Variants in TAF4B observed in about 807,000 individuals in gnomAD.
The protein encoded by TAF4B is transcription initiation factor TFIID subunit 4B.
In TAF4B, 38 loss-of-function variants were observed where a neutral mutation model predicts 86.4. That is an observed-to-expected ratio of 0.44 (90% CI 0.34 to 0.58). TAF4B has a LOEUF of 0.58. Among genes scored for constraint, TAF4B ranks in the 20% least tolerant of loss-of-function variants. TAF4B has a pLI of 0.02. For missense variants in TAF4B, 988 were observed against 1,027.6 expected, an observed-to-expected ratio of 0.96 and a Z score of 0.53; for synonymous variants, 388 against 391.2, an observed-to-expected ratio of 0.99 and a Z score of 0.10.
At chr18:26,255,775 A>G in intron 1 of TAF4B, 3 of 1,542,526 alleles carry the variant, frequency 1.9e-6, no homozygotes, top group Non-Finnish European at 2.7e-6. Context: ...TTATTGCTGC[A>G]GCAAGGCTTG....
At chr18:26,228,016 C>G (rs1223403799) in intron 1 of TAF4B, among the ~76,000 whole-genome samples, 1 of 152,180 alleles carries the variant, frequency 6.6e-6, no homozygotes, top group Non-Finnish European at 1.5e-5. Flanking sequence ...ATCAGTCATG[C>G]AATTGTTACA....
chr18:26,263,906 T>A (rs1238426507), intron 1 of TAF4B, among the ~76,000 whole-genome samples: 1 of 152,200 alleles, frequency 6.6e-6, no homozygotes, highest in Admixed American at 6.5e-5. Flanking sequence ...TCTAAGAGTT[T>A]AAAAATTTTT....
chr18:26,234,270 C>T (rs1178851548), intron 1 of TAF4B, among the ~76,000 whole-genome samples: 1 of 152,190 alleles, frequency 6.6e-6, no homozygotes, highest in East Asian at 1.9e-4. Flanking sequence ...TTTCCTTCTG[C>T]CTTTTCTCCT....
chr18:26,360,943 A>T (rs2057323998), intron 14 of TAF4B, among the ~76,000 whole-genome samples: 1 of 152,090 alleles, frequency 6.6e-6, no homozygotes. Flanking sequence ...ATAAATTTTT[A>T]ATTTTTTTAG....
chr18:26,299,664 G>A (rs2056707695), intron 9 of TAF4B, among the ~76,000 whole-genome samples: 1 of 151,980 alleles, frequency 6.6e-6, no homozygotes, highest in South Asian at 2.1e-4. Flanking sequence ...TGTTTTCTTT[G>A]GGAGAATGTT....
chr18:26,235,448 A>G (rs966498733), intron 1 of TAF4B, among the ~76,000 whole-genome samples: 2 of 152,206 alleles, frequency 1.3e-5, no homozygotes, highest in Non-Finnish European at 2.9e-5. Flanking sequence ...TGGGCCTTCA[A>G]TTTAGACGCC....
At chr18:26,260,474 G>T (rs922108006) in intron 1 of TAF4B, among the ~76,000 whole-genome samples, 5 of 152,106 alleles carry the variant, frequency 3.3e-5, no homozygotes, top group Admixed American at 6.5e-5. Context: ...TATAAGGAAG[G>T]GATCCAGTTT....
Position 26,359,077 on chromosome 18 carries a change from C to T in TAF4B, c.2421+1283C>T, listed in dbSNP as rs539733558. On this transcript the variant is annotated intron_variant, in intron 14 of 14. Coordinates refer to ENST00000269142, the MANE Select transcript of TAF4B (RefSeq NM_005640.3). ...AGGATATATGTGGGCACATATATGACATGCATTCACAAATCTACATGTGTG... is the reference window on the plus strand; with the variant it reads ...AGGATATATGTGGGCACATATATGATATGCATTCACAAATCTACATGTGTG... Among the ~76,000 whole-genome samples the T allele has an allele frequency of 5.3e-5, 8 of 152,252 alleles. No individual in the cohort carries two copies. The South Asian group carries it at 1.4e-3, about 28-fold the overall frequency.
At chr18:26,321,333 C>A in intron 11 of TAF4B, 133 bp downstream of exon 11, 1 of 897,398 alleles carries the variant, frequency 1.1e-6, no homozygotes, top group Non-Finnish European at 1.6e-6. Flanking sequence ...AAATCAAAGT[C>A]TCATTCTTAT....
chr18:26,384,878 C>T (rs1323215839), intron 14 of TAF4B, among the ~76,000 whole-genome samples: 1 of 152,150 alleles, frequency 6.6e-6, no homozygotes, highest in Non-Finnish European at 1.5e-5. Flanking sequence ...TTGAGATTGC[C>T]TATGGAGGAG....
chr18:26,328,090 G>A (rs956774579), intron 12 of TAF4B, among the ~76,000 whole-genome samples: 13 of 152,262 alleles, frequency 8.5e-5, no homozygotes, highest in South Asian at 4.2e-4. Flanking sequence ...AATTTCTAGC[G>A]TTCTTGATAG....
intron 5 of TAF4B, among the ~76,000 whole-genome samples, chr18:26,276,481 AT>A (rs1367000774): frequency 6.6e-6 from 1 of 152,234 alleles, no homozygotes; most frequent in African/African-American, 2.4e-5. Flanking sequence ...CATAAAAATT[AT>A]CCCTTTTTCC....
In TAF4B at chr18:26,255,603, C is replaced by CAAA. The variant is rs71169836; in HGVS notation, c.344-9554_344-9552dup. 3,023 of 482,654 alleles carry CAAA rather than the reference C, an allele frequency of 6.3e-3. 43 individuals are homozygous for CAAA. The highest frequency in any genetic ancestry group is 0.031 in the African/African-American group (865 of 27,482). 29.9% of individuals were successfully genotyped at this position (482,654 alleles called of 1,614,324 possible). Reference sequence around the variant, plus strand: ...GACAACAAGAGCAAAACTCTGTCTCCAAAAAAAAAAAAAAAGAGGGTCAGT... The same window carrying CAAA: ...GACAACAAGAGCAAAACTCTGTCTCCAAAAAAAAAAAAAAAAAAGAGGGTCAGT... On this transcript the variant is annotated intron_variant, in intron 1 of 14. Transcript: ENST00000269142.
chr18:26,337,183 C>T (rs544323062), intron 13 of TAF4B, among the ~76,000 whole-genome samples: 20 of 152,132 alleles, frequency 1.3e-4, no homozygotes, highest in Admixed American at 7.2e-4. Context: ...ATCATAAATC[C>T]TCTTTGATCA....
intron 3 of TAF4B, among the ~76,000 whole-genome samples, chr18:26,268,675 G>A (rs1387134232): frequency 6.6e-6 from 1 of 152,080 alleles, no homozygotes; most frequent in Non-Finnish European, 1.5e-5. Flanking sequence ...CCTCCATTGC[G>A]TAATAGCAAC....
At chr18:26,232,746 G>A (rs982465797) in intron 1 of TAF4B, among the ~76,000 whole-genome samples, 1 of 152,204 alleles carries the variant, frequency 6.6e-6, no homozygotes, top group Non-Finnish European at 1.5e-5. Context: ...AGGCCTCAGC[G>A]GTTTTGGAGA....
At chr18:26,346,835 ATGTGTGTGTG>A (rs763951048) in intron 13 of TAF4B, among the ~76,000 whole-genome samples, 983 of 17,448 alleles carry the variant, frequency 0.056, 171 homozygotes, top group Non-Finnish European at 0.11. Flanking sequence ...ATATATATAT[ATGTGTGTGTG>A]TATATATATA....
chr18:26,321,780 A>G (rs546234929), intron 11 of TAF4B, among the ~76,000 whole-genome samples: 159 of 152,134 alleles, frequency 1.0e-3, no homozygotes, highest in Non-Finnish European at 2.2e-3. Context: ...TGAAAACAAT[A>G]TATTACTAAC....
intron 1 of TAF4B, among the ~76,000 whole-genome samples, chr18:26,233,194 A>G (rs1487207829): frequency 6.6e-6 from 1 of 152,194 alleles, no homozygotes; most frequent in Non-Finnish European, 1.5e-5. Context: ...TTGCCAAGGT[A>G]GCTCTGGTGA....
Sources: allele counts gnomAD v4.1 joint callset (sites outside exome capture counted in the v4.1 genomes callset), GRCh38; gene constraint gnomAD v4.1.1; transcripts MANE v1.5; gene names NCBI Gene and HGNC (gene_info 2026-07-23, HGNC 2026-07-21).